The following LRP6 variants were observed in gnomAD, a reference collection of about 807,000 sequenced individuals.
LRP6 encodes the protein low-density lipoprotein receptor-related protein 6.
Under a neutral mutation model 184.1 loss-of-function variants are expected in LRP6, and 43 were observed. The observed-to-expected ratio is 0.23, with a 90% CI of 0.18 to 0.30. LRP6 has a LOEUF of 0.30. Among genes scored for constraint, LRP6 ranks in the 10% least tolerant of loss-of-function variants. The pLI is 1.00. For synonymous variants in LRP6, 719 were observed against 684.9 expected (o/e 1.05, Z -0.78); for missense variants, 1,571 against 2,005.3 (o/e 0.78, Z 4.14).
Position 12,135,155 on chromosome 12 carries a change from G to C in LRP6, c.3733+20C>G, listed in dbSNP as rs1023793270. 1 of 1,613,608 alleles carries C rather than the reference G, an allele frequency of 6.2e-7. No individual in the cohort carries two copies. The highest frequency in any genetic ancestry group is 1.3e-5 in the African/African-American group (1 of 74,910). On this transcript the variant is annotated intron_variant, in intron 17 of 22. Transcript: ENST00000261349. The stretch of plus-strand genomic sequence containing the variant: ...TATGTTTGCATTTAGGGTTGCACAA[G>C]AAAATTACAACATATTTACCTCCAC...
chr12:12,158,782 G>A, intron 12 of LRP6, 47 bp downstream of exon 12: 1 of 1,571,988 alleles, frequency 6.4e-7, no homozygotes, highest in Non-Finnish European at 8.7e-7. Context: ...CTTTGAAAAT[G>A]CTGCTTTCTC....
At chr12:12,213,377 A>G (rs1447443182) in intron 2 of LRP6, among the ~76,000 whole-genome samples, 1 of 151,740 alleles carries the variant, frequency 6.6e-6, no homozygotes, top group Admixed American at 6.6e-5. Context: ...AACATTTACT[A>G]TTTTTTTCAG....
At chr12:12,129,240 TTAC>T (rs1949714041) in intron 19 of LRP6, among the ~76,000 whole-genome samples, 1 of 152,190 alleles carries the variant, frequency 6.6e-6, no homozygotes, top group African/African-American at 2.4e-5. Flanking sequence ...CCCACTGGCT[TTAC>T]AACTTCTGTA....
rs117289196 is a variant in LRP6 at position 12,206,187 on chromosome 12, C to T, written c.450-2787G>A. 2.9e-3 allele frequency among the ~76,000 whole-genome samples: 445 copies of T among 152,274 alleles called. 2 individuals carry two copies. The highest frequency in any genetic ancestry group is 9.3e-3 in the Admixed American group (142 of 15,296). On this transcript the variant is annotated intron_variant, in intron 2 of 22. Transcript: ENST00000261349. ...TGAAATCACTCAACATTTCTCAGAA[C>T]ATGTCCCTACTGTTAAGCGACACAT... is the stretch of plus-strand genomic sequence containing the variant.
intron 7 of LRP6, among the ~76,000 whole-genome samples, chr12:12,170,754 A>G (rs552797481): frequency 6.6e-6 from 1 of 151,694 alleles, no homozygotes; most frequent in South Asian, 2.1e-4. Context: ...CTTCCAAGCT[A>G]TATACTATTT....
chr12:12,186,831 T>A (rs1863488118), intron 4 of LRP6, 92 bp downstream of exon 4: 1 of 1,080,178 alleles, frequency 9.3e-7, no homozygotes. Flanking sequence ...TCTTTGGATA[T>A]GCCCTCCCTC....
At chr12:12,236,526 G>A (rs989623020) in intron 2 of LRP6, among the ~76,000 whole-genome samples, 2 of 152,140 alleles carry the variant, frequency 1.3e-5, no homozygotes, top group African/African-American at 4.8e-5. Context: ...ACACCAGCTG[G>A]GTGTCCTACA....
At chr12:12,256,791 G>A (rs1341824267) in intron 1 of LRP6, among the ~76,000 whole-genome samples, 3 of 152,156 alleles carry the variant, frequency 2.0e-5, no homozygotes, top group African/African-American at 7.2e-5. Flanking sequence ...GGGTGATGAA[G>A]CAAGACTCTG....
chr12:12,232,279 G>A (rs1407768167), intron 2 of LRP6, among the ~76,000 whole-genome samples: 1 of 151,784 alleles, frequency 6.6e-6, no homozygotes, highest in Non-Finnish European at 1.5e-5. Flanking sequence ...AGGTTATTGG[G>A]AGGCTGAGGC....
intron 16 of LRP6, among the ~76,000 whole-genome samples, 174 bp from the exon 17 acceptor site, chr12:12,135,474 TTTATCA>T (rs1282209574): frequency 5.6e-5 from 6 of 107,964 alleles, no homozygotes; most frequent in Non-Finnish European, 1.1e-4. Flanking sequence ...TTTTTTTACT[TTTATCA>T]TTATTATTAT....
At chr12:12,123,059 C>T (rs992330962) in intron 22 of LRP6, among the ~76,000 whole-genome samples, 2 of 145,204 alleles carry the variant, frequency 1.4e-5, no homozygotes, top group Non-Finnish European at 3.0e-5. Flanking sequence ...AAAAAGAAAA[C>T]AAACTGAATT....
At chr12:12,244,864 T>C (rs1369322821) in intron 1 of LRP6, among the ~76,000 whole-genome samples, 1 of 152,198 alleles carries the variant, frequency 6.6e-6, no homozygotes, top group African/African-American at 2.4e-5. Context: ...GGGGAACTAT[T>C]TCCACCACGA....
chr12:12,135,121 G>A, intron 17 of LRP6, 54 bp downstream of exon 17: 1 of 1,611,828 alleles, frequency 6.2e-7, no homozygotes, highest in Non-Finnish European at 8.5e-7. Context: ...CTAGGCTTAA[G>A]ATATGGAATA....
At chr12:12,138,583 A>G (rs1411744740) in intron 15 of LRP6, 49 bp from the exon 16 acceptor site, 1 of 1,508,986 alleles carries the variant, frequency 6.6e-7, no homozygotes, top group African/African-American at 1.4e-5. Flanking sequence ...GGGTCAAGTT[A>G]TACTTTTGGT....
chr12:12,225,534 A>G (rs1435158507), intron 2 of LRP6, among the ~76,000 whole-genome samples: 1 of 152,040 alleles, frequency 6.6e-6, no homozygotes, highest in East Asian at 1.9e-4. Context: ...AACTCTAGGG[A>G]CACTTTTTTT....
chr12:12,251,363 T>C (rs1865321225), intron 1 of LRP6, among the ~76,000 whole-genome samples: 1 of 151,924 alleles, frequency 6.6e-6, no homozygotes, highest in Non-Finnish European at 1.5e-5. Context: ...TTAGTTTGTC[T>C]TTTTGATTTT....
chr12:12,160,347 C>T (rs1437587426), intron 10 of LRP6, among the ~76,000 whole-genome samples: 1 of 152,178 alleles, frequency 6.6e-6, no homozygotes, highest in Non-Finnish European at 1.5e-5. Context: ...TTTTTATATA[C>T]TTTTGAATAT....
intron 2 of LRP6, among the ~76,000 whole-genome samples, chr12:12,235,030 G>C (rs1402271277): frequency 2.6e-5 from 4 of 152,278 alleles, no homozygotes; most frequent in Middle Eastern, 3.4e-3. Context: ...GGATAGAAGG[G>C]ATGGGGAAGA....
At chr12:12,170,016 T>C (rs1862989560) in intron 7 of LRP6, among the ~76,000 whole-genome samples, 1 of 152,110 alleles carries the variant, frequency 6.6e-6, no homozygotes, top group Non-Finnish European at 1.5e-5. Context: ...CCATTTAAAA[T>C]TTTCTAGTAG....
Sources: allele counts gnomAD v4.1 joint callset (sites outside exome capture counted in the v4.1 genomes callset), GRCh38; gene constraint gnomAD v4.1.1; transcripts MANE v1.5; gene names NCBI Gene and HGNC (gene_info 2026-07-23, HGNC 2026-07-21).